Variants in BMP7 observed in about 807,000 individuals in gnomAD.
BMP7 encodes the protein osteogenic protein 1.
BMP7 carries 12 observed loss-of-function variants against 41.2 expected under a neutral mutation model. That is an observed-to-expected ratio of 0.29 (90% CI 0.19 to 0.47). BMP7 has a LOEUF of 0.47. Ranked by LOEUF, BMP7 falls within the 20% of genes least tolerant of loss-of-function variation. The pLI, the probability that BMP7 is intolerant of heterozygous loss-of-function variation, is 0.99. For synonymous variants in BMP7, 248 were observed against 250.0 expected (o/e 0.99, Z 0.07); for missense variants, 467 against 606.0 (o/e 0.77, Z 2.41).
At position 57,170,611 on chromosome 20, in the gene BMP7, G is replaced by T. The variant is rs1983792688; in HGVS notation, c.*348C>A. The T allele has an allele frequency of 2.9e-6, 1 of 349,290 alleles. No homozygotes were observed. Among genetic ancestry groups the T allele is most frequent in the Non-Finnish European group, 5.6e-6 (1 of 179,744 alleles). 21.6% of individuals were successfully genotyped at this position (349,290 alleles called of 1,614,324 possible). ...CACGCCCCCTTCCTCCCACGGCTGG[G>T]TGGCCTGGCTGGTAGGCGCTCATAA... On this transcript the variant is annotated 3_prime_UTR_variant, in exon 7 of 7. Transcript: ENST00000395863.
intron 3 of BMP7, among the ~76,000 whole-genome samples, chr20:57,186,617 G>C (rs893300074): frequency 6.6e-6 from 1 of 152,190 alleles, no homozygotes; most frequent in African/African-American, 2.4e-5. Flanking sequence ...ATGACGGGGA[G>C]TTGGGAGGCT....
At chr20:57,185,916 G>A (rs962396660) in intron 3 of BMP7, among the ~76,000 whole-genome samples, 1 of 147,214 alleles carries the variant, frequency 6.8e-6, no homozygotes, top group South Asian at 2.2e-4. Flanking sequence ...TACCCTAAGT[G>A]CTCAATAAAT....
chr20:57,206,362 G>A (rs1207494369), intron 2 of BMP7, among the ~76,000 whole-genome samples: 2 of 152,160 alleles, frequency 1.3e-5, no homozygotes, highest in Non-Finnish European at 2.9e-5. Flanking sequence ...TCCTGTTACT[G>A]TTTTACAGAT....
intron 3 of BMP7, among the ~76,000 whole-genome samples, chr20:57,188,498 C>T (rs760285318): frequency 3.4e-5 from 5 of 146,476 alleles, no homozygotes; most frequent in Non-Finnish European, 7.4e-5. Flanking sequence ...GATACGGAAA[C>T]GTTCTAGAAT....
intron 3 of BMP7, among the ~76,000 whole-genome samples, chr20:57,200,673 G>T (rs1984598237): frequency 6.6e-6 from 1 of 152,214 alleles, no homozygotes; most frequent in African/African-American, 2.4e-5. Flanking sequence ...GCGGGCGCCT[G>T]TAGTCCCAGC....
intron 1 of BMP7, among the ~76,000 whole-genome samples, chr20:57,264,121 A>G (rs1222377665): frequency 6.6e-6 from 1 of 152,086 alleles, no homozygotes; most frequent in Non-Finnish European, 1.5e-5. Flanking sequence ...TAAACCTCCC[A>G]CCCCTTGCTC....
intron 2 of BMP7, among the ~76,000 whole-genome samples, chr20:57,223,681 G>A (rs919806691): frequency 1.3e-5 from 2 of 152,186 alleles, no homozygotes; most frequent in African/African-American, 4.8e-5. Context: ...CCTTTCCAAG[G>A]CATGAAACAA....
At chr20:57,206,073 G>A in intron 2 of BMP7, among the ~76,000 whole-genome samples, 1 of 152,204 alleles carries the variant, frequency 6.6e-6, no homozygotes. Flanking sequence ...ACAGCTCGGA[G>A]AGGGGGAATT....
chr20:57,187,697 G>A (rs574493363), intron 3 of BMP7, among the ~76,000 whole-genome samples: 75 of 152,250 alleles, frequency 4.9e-4, no homozygotes, highest in Middle Eastern at 3.4e-3. Context: ...AACAGAGACC[G>A]GGTCTCTCCT....
At chr20:57,185,132 G>A (rs1387647236) in intron 3 of BMP7, among the ~76,000 whole-genome samples, 11 of 152,232 alleles carry the variant, frequency 7.2e-5, no homozygotes, top group Admixed American at 3.9e-4. Flanking sequence ...AATGGTCCAC[G>A]TGGGAGGTGA....
intron 1 of BMP7, among the ~76,000 whole-genome samples, chr20:57,250,323 T>TTATATAA (rs200380206): frequency 0.025 from 3,656 of 145,300 alleles, 165 homozygotes; most frequent in African/African-American, 0.087. Flanking sequence ...ATAAATATAT[T>TTATATAA]TATATAATAT....
At position 57,214,388 on chromosome 20, in the gene BMP7, A is replaced by G. The variant is rs979212795; in HGVS notation, c.612-11765T>C. ...ATCAGCTCTTAGGATAAAAAGCCAA[A>G]GCTCTCTAATGTGTTCTGTGATAAA... is the stretch of plus-strand genomic sequence containing the variant. On this transcript the variant is annotated intron_variant, in intron 2 of 6. Coordinates refer to ENST00000395863, the MANE Select transcript of BMP7 (RefSeq NM_001719.3). This position sits in a 1 kb window ranked among gnomAD's most constrained non-coding sequence, Gnocchi z 4.0. 3.3e-5 allele frequency among the ~76,000 whole-genome samples: 5 copies of G among 152,156 alleles called. No homozygotes were observed. The highest frequency in any genetic ancestry group is 1.2e-4 in the African/African-American group (5 of 41,428).
rs907780059 is a variant in BMP7 at position 57,209,090 on chromosome 20, G to A, written c.612-6467C>T. Among the ~76,000 whole-genome samples the A allele has an allele frequency of 5.3e-5, 8 of 151,790 alleles. No homozygotes were observed. In the East Asian group the frequency reaches 1.2e-3, roughly 22 times the overall value. On this transcript the variant is annotated intron_variant, in intron 2 of 6. Transcript: ENST00000395863. ...TCCCAGCACTTTGGGAGGCTGAGGC[G>A]TGTGGATCACCCTGAGGTCGGGAGT...
At chr20:57,197,314 C>G (rs907997061) in intron 3 of BMP7, among the ~76,000 whole-genome samples, 1 of 152,020 alleles carries the variant, frequency 6.6e-6, no homozygotes. Context: ...CTACTGTCTT[C>G]TGAGTGCTTT....
chr20:57,217,142 A>C (rs978123351), intron 2 of BMP7, among the ~76,000 whole-genome samples: 3 of 152,254 alleles, frequency 2.0e-5, no homozygotes, highest in Admixed American at 6.5e-5. Flanking sequence ...TCCTGGTTCC[A>C]GCTCTCAATC....
Position 57,259,350 on chromosome 20 carries a change from T to C in BMP7, c.418+6355A>G, listed in dbSNP as rs370633741. Among the ~76,000 whole-genome samples, 5 of 152,360 alleles carry C rather than the reference T, an allele frequency of 3.3e-5. No individual in the cohort carries two copies. The South Asian group carries it at 8.3e-4, about 25-fold the overall frequency. ...AGCCGCGGTTGGCAGCCCCCGCTCC[T>C]GCATGGGAACAAATTAACATTGGCA... On this transcript the variant is annotated intron_variant, in intron 1 of 6. Transcript: ENST00000395863. The surrounding 1 kb of genome is among the most constrained non-coding windows in gnomAD (Gnocchi z 4.7).
chr20:57,262,627 C>G (rs998499389), intron 1 of BMP7, among the ~76,000 whole-genome samples: 1 of 152,016 alleles, frequency 6.6e-6, no homozygotes, highest in Non-Finnish European at 1.5e-5. Flanking sequence ...AGGCAAGGGT[C>G]CCCCCTCCCG....
intron 4 of BMP7, among the ~76,000 whole-genome samples, chr20:57,180,381 T>TC (rs1270105415): frequency 6.8e-6 from 1 of 146,762 alleles, no homozygotes; most frequent in Non-Finnish European, 1.5e-5. Flanking sequence ...CCCCTGCAGG[T>TC]CCCACAGCCC....
intron 4 of BMP7, among the ~76,000 whole-genome samples, chr20:57,179,896 C>T (rs185965560): frequency 6.6e-6 from 1 of 152,300 alleles, no homozygotes; most frequent in Non-Finnish European, 1.5e-5. Context: ...GAGCCCCGTC[C>T]TGGGGGCTGT....
Sources: gnomAD v4.1 joint callset for allele counts (sites outside exome capture counted in the v4.1 genomes callset) on GRCh38, gnomAD v4.1.1 for gene constraint, Gnocchi (gnomAD v3.1) non-coding constraint, MANE v1.5 for transcripts, NCBI Gene and HGNC (gene_info 2026-07-23, HGNC 2026-07-21) for gene names.